DNAH2: variants seen among roughly 807,000 people sequenced by gnomAD.
DNAH2 encodes the protein axonemal beta dynein heavy chain 2.
In DNAH2, 323 loss-of-function variants were observed where a neutral mutation model predicts 523.5. The observed-to-expected ratio is 0.62, with a 90% confidence interval of 0.56 to 0.68. The LOEUF is 0.68. Among genes scored for constraint, DNAH2 ranks in the 30% least tolerant of loss-of-function variants. DNAH2 has a pLI of 0.00. For missense variants in DNAH2, 4,907 were observed against 5,701.5 expected (o/e 0.86, Z 4.49); for synonymous variants, 2,093 against 2,177.4 (o/e 0.96, Z 1.08).
chr17:7,741,252 T>TCTC (rs2075314696), intron 11 of DNAH2, among the ~76,000 whole-genome samples: 1 of 39,328 alleles, frequency 2.5e-5, no homozygotes, highest in Non-Finnish European at 4.4e-5. Flanking sequence ...CTTTCTTTCT[T>TCTC]TCTTTCTTTC....
Position 7,818,319 on chromosome 17 carries a change from G to A in DNAH2, c.10395G>A (p.Arg3465=), listed in dbSNP as rs2077743566. Residue 3465 remains arginine (R), a synonymous_variant, in exon 69 of 86, where the codon CGG becomes CGA. Transcript: ENST00000572933. ...LNKSVARIGG[R]LLMRIGDKEV... is the part of the protein sequence containing the mutation. The stretch of plus-strand genomic sequence containing the variant: ...ACCCTTCCGTGGATGCAGGTGGTCG[G>A]CTGTTGATGCGCATTGGCGATAAGG... 6.2e-7 allele frequency: 1 copy of A among 1,613,954 alleles called. No homozygotes were observed. The highest frequency in any genetic ancestry group is 8.5e-7 in the Non-Finnish European group (1 of 1,180,032).
intron 18 of DNAH2, among the ~76,000 whole-genome samples, chr17:7,762,893 T>TAAA (rs34113567): frequency 5.5e-5 from 7 of 127,024 alleles, no homozygotes; most frequent in African/African-American, 2.0e-4. Context: ...CTCAAACAGT[T>TAAA]AAAAAAAAAA....
Position 7,722,664 on chromosome 17 carries a change from A to T in DNAH2, c.167-964A>T, listed in dbSNP as rs1298018074. ...TGGTCTCTCATGACTGGCTTTTTTC[A>T]CTTGGCACTGTGTTTTCGAGGATCA... On this transcript the variant is annotated intron_variant, in intron 2 of 85. Coordinates refer to ENST00000572933, the MANE Select transcript of DNAH2 (RefSeq NM_020877.5). 2.0e-5 allele frequency among the ~76,000 whole-genome samples: 3 copies of T among 150,838 alleles called. No individual in the cohort carries two copies. The East Asian group carries it at 5.8e-4, about 29-fold the overall frequency.
chr17:7,719,773 C>G lies in DNAH2; in HGVS notation c.39C>G (p.Gly13=). The G allele has an allele frequency of 6.2e-7, 1 of 1,614,170 alleles. No homozygotes were observed. The highest frequency in any genetic ancestry group is 1.1e-5 in the South Asian group (1 of 91,078). The change falls in exon 2 of 86, where the codon GGC becomes GGG. Residue 13 remains glycine (G), a synonymous_variant. Coordinates refer to ENST00000572933, the MANE Select transcript of DNAH2 (RefSeq NM_020877.5). ...SKAEKKQRLS[G]RGSSQASWSG... ...CTGAGAAGAAGCAGCGATTGAGTGG[C>G]CGAGGAAGCTCCCAGGCAAGCTGGT...
chr17:7,758,719 T>C, intron 14 of DNAH2, 68 bp downstream of exon 14: 4 of 1,572,886 alleles, frequency 2.5e-6, no homozygotes, highest in Admixed American at 3.8e-5. Flanking sequence ...GAGTGTTGCA[T>C]AGAGATTGGG....
At chr17:7,762,873 G>A (rs1401893971) in intron 18 of DNAH2, among the ~76,000 whole-genome samples, 7 of 149,252 alleles carry the variant, frequency 4.7e-5, no homozygotes, top group Admixed American at 4.7e-4. Context: ...TACAGATGAG[G>A]AAACCGAGAC....
chr17:7,766,407 A>C lies in DNAH2; in HGVS notation c.3601A>C (p.Asn1201His), dbSNP rs1293242233. 3.2e-5 allele frequency: 52 copies of C among 1,613,906 alleles called. No individual in the cohort carries two copies. Among genetic ancestry groups the C allele is most frequent in the Non-Finnish European group, 4.3e-5 (51 of 1,179,990 alleles). ...AMLMAMREEE[N>H]SLRANLGIFK... Reference sequence around the variant, plus strand: ...GCTGATGGCCATGCGGGAAGAGGAAAATAGTCTCCGAGCCAACCTGGGCAT... The same window carrying C: ...GCTGATGGCCATGCGGGAAGAGGAACATAGTCTCCGAGCCAACCTGGGCAT... Residue 1201 changes from asparagine to histidine, a missense_variant, in exon 22 of 86, where the codon AAT becomes CAT. Transcript: ENST00000572933.
rs1312883588 is a variant in DNAH2 at position 7,718,148 on chromosome 17, AG to A, written c.-665del. On this transcript the variant is annotated 5_prime_UTR_variant, in exon 1 of 86. Transcript: ENST00000572933. ...GGCCCCTGCGGTATTTCCTAGTACT[AG>A]AGTGAGCCCCGACTTAGCAGAGCAG... 1.3e-5 allele frequency: 2 copies of A among 152,154 alleles called. No homozygotes were observed. Among genetic ancestry groups the A allele is most frequent in the Non-Finnish European group, 2.9e-5 (2 of 68,032 alleles). The allele number at this position is 152,154 out of a possible 1,614,324, so 9.4% of individuals were successfully genotyped here. A position where few individuals can be genotyped will look rare whatever the true frequency, so the allele number is the denominator to read the frequency against.
chr17:7,816,500 G>A, intron 63 of DNAH2, 71 bp from the exon 64 acceptor site: 3 of 1,569,242 alleles, frequency 1.9e-6, no homozygotes, highest in Non-Finnish European at 2.6e-6. Flanking sequence ...AAATGGCAGA[G>A]TCATGATGTG....
chr17:7,830,488 T>C lies in DNAH2; in HGVS notation c.12042T>C (p.Phe4014=), dbSNP rs749415984. 1.3e-5 allele frequency: 21 copies of C among 1,614,072 alleles called. No individual in the cohort carries two copies. In the South Asian group the frequency reaches 1.5e-4, roughly 12 times the overall value. Residue 4014 remains phenylalanine (F), a synonymous_variant, in exon 78 of 86, where the codon TTT becomes TTC. Transcript: ENST00000572933. ...TCTATGGCTTCAATGACTCCGACTT[T>C]GAGGTTTGCATTAGCCAGGGGTCCT... ...NIIYGFNDSD[F]EVSENLLSLY...
intron 11 of DNAH2, among the ~76,000 whole-genome samples, chr17:7,742,193 G>T (rs1045792440): frequency 6.6e-6 from 1 of 151,970 alleles, no homozygotes; most frequent in Non-Finnish European, 1.5e-5. Context: ...ACTTTGGGAG[G>T]CCAAGGTGGG....
chr17:7,824,434 G>A, intron 76 of DNAH2, 103 bp from the exon 77 acceptor site: 2 of 1,411,482 alleles, frequency 1.4e-6, no homozygotes, highest in African/African-American at 2.9e-5. Flanking sequence ...GCAGATCTTA[G>A]TGTTAGGCCC....
rs185818277 is a variant in DNAH2, at chr17:7,828,839, T to A, written c.11854-1461T>A. ...TCTTGATGTCATAAGTGGCATTTTT[T>A]AAAAAGTCATGTTATTTTTGTTACT... On this transcript the variant is annotated intron_variant, in intron 77 of 85. Transcript: ENST00000572933. The surrounding 1 kb of genome is among the most constrained non-coding windows in gnomAD (Gnocchi z 4.1). Among the ~76,000 whole-genome samples, 3 of 152,216 alleles carry A rather than the reference T, an allele frequency of 2.0e-5. No homozygotes were observed. The highest frequency in any genetic ancestry group is 1.9e-4 in the East Asian group (1 of 5,192).
In DNAH2 at chr17:7,771,469, G is replaced by T; in HGVS notation, c.4501+1G>T. 6.2e-7 allele frequency: 1 copy of T among 1,613,816 alleles called. No homozygotes were observed. Among genetic ancestry groups the T allele is most frequent in the Non-Finnish European group, 8.5e-7 (1 of 1,179,826 alleles). On this transcript the variant is annotated splice_donor_variant, in intron 28 of 85. Transcript: ENST00000572933. LOFTEE classifies it high-confidence loss of function. ...GCTCTCCGGAGCACCCATCACCCAGGTCAGAGCTCCAGGGCTCCTGCCCTG... is the reference window on the plus strand; with the variant it reads ...GCTCTCCGGAGCACCCATCACCCAGTTCAGAGCTCCAGGGCTCCTGCCCTG...
rs1342895347 is a variant in DNAH2 at position 7,797,451 on chromosome 17, C to T, written c.8001C>T (p.Gly2667=). 10 of 1,614,168 alleles carry T rather than the reference C, an allele frequency of 6.2e-6. No individual in the cohort carries two copies. Among genetic ancestry groups the T allele is most frequent in the Non-Finnish European group, 8.5e-6 (10 of 1,180,040 alleles). ...CGGCAGACACAGAAGCCTTCATGGG[C>T]ATCATAAGCGACAAGCTCGGCTCCT... ...VDAADTEAFM[G]IISDKLGSFF... is the part of the protein sequence containing the mutation. Residue 2667 remains glycine (G), a synonymous_variant, in exon 52 of 86, where the codon GGC becomes GGT. Transcript: ENST00000572933.
At chr17:7,808,097 G>A (rs142228599) in intron 63 of DNAH2, among the ~76,000 whole-genome samples, 5 of 152,262 alleles carry the variant, frequency 3.3e-5, no homozygotes, top group African/African-American at 7.2e-5. Context: ...GAGGCTGGGC[G>A]CCACGGCTCA....
At position 7,819,213 on chromosome 17, in the gene DNAH2, A is replaced by C. The variant is rs1193917335; in HGVS notation, c.10820A>C (p.Tyr3607Ser). 6.2e-7 allele frequency: 1 copy of C among 1,613,446 alleles called. No individual in the cohort carries two copies. The highest frequency in any genetic ancestry group is 8.5e-7 in the Non-Finnish European group (1 of 1,180,042). Residue 3607 changes from tyrosine (Y) to serine (S), a missense_variant, in exon 72 of 86, where the codon TAC becomes TCC. Around this residue, in one of 3 missense-constraint regions of DNAH2, gnomAD observed 1,851 missense variants for 2,139.4 expected, o/e 0.87. Transcript: ENST00000572933. Reference sequence around the variant, plus strand: ...TCCACCCATCCCCACCGGCAGGCTTACCGCCCATGCGCCCAGCGGGCATCA... The same window carrying C: ...TCCACCCATCCCCACCGGCAGGCTTCCCGCCCATGCGCCCAGCGGGCATCA... The part of the protein sequence containing the change: ...EINTDLAREA[Y>S]RPCAQRASIL...
intron 2 of DNAH2, among the ~76,000 whole-genome samples, chr17:7,722,069 G>T (rs1384580336): frequency 6.6e-6 from 1 of 152,094 alleles, no homozygotes; most frequent in Admixed American, 6.5e-5. Flanking sequence ...CGTGATCTCG[G>T]CTCACTGCGA....
In DNAH2 at chr17:7,778,455, TCAGGTCTGGCCCAG is replaced by T; in HGVS notation, c.5528_5541del (p.Ser1843TyrfsTer8). 2 of 1,613,966 alleles carry T rather than the reference TCAGGTCTGGCCCAG, an allele frequency of 1.2e-6. No homozygotes were observed. The highest frequency in any genetic ancestry group is 2.2e-5 in the South Asian group (2 of 91,058). On this transcript the variant is annotated frameshift_variant and splice_region_variant, in exon 35 of 86. Transcript: ENST00000572933. LOFTEE classifies it high-confidence loss of function. ...CTACAAGTCCATGGGCCGAATGTACTCAGGTCTGGCCCAGGTCAGTATCCTGCCACCCTGTGCCA... is the reference window on the plus strand; with the variant it reads ...CTACAAGTCCATGGGCCGAATGTACTGTCAGTATCCTGCCACCCTGTGCCA...
Sources: gnomAD v4.1 joint callset for allele counts (sites outside exome capture counted in the v4.1 genomes callset) on GRCh38, gnomAD v4.1.1 for gene constraint, gnomAD v4.1.1 regional missense constraint, Gnocchi (gnomAD v3.1) non-coding constraint, MANE v1.5 for transcripts, NCBI Gene and HGNC (gene_info 2026-07-23, HGNC 2026-07-21) for gene names.